The following DOCK1 variants were observed in gnomAD, a reference collection of about 807,000 sequenced individuals.
DOCK1 encodes the protein dedicator of cytokinesis protein 1.
DOCK1 carries 138 observed loss-of-function variants against 262.7 expected under a neutral mutation model. That is an observed-to-expected ratio of 0.53 (90% confidence interval 0.46 to 0.61). The LOEUF is 0.61. Among genes scored for constraint, DOCK1 ranks in the 20% least tolerant of loss-of-function variants. The probability of loss-of-function intolerance (pLI) is 0.00; values close to 1 mark genes in which losing one functional copy is unlikely to be tolerated. For missense variants in DOCK1, 1,908 were observed against 2,370.7 expected, an observed-to-expected ratio of 0.80 and a Z score of 4.05; for synonymous variants, 866 against 867.4, an observed-to-expected ratio of 1.00 and a Z score of 0.03.
At chr10:127,003,355 C>T (rs2040746018) in intron 10 of DOCK1, among the ~76,000 whole-genome samples, 1 of 152,184 alleles carries the variant, frequency 6.6e-6, no homozygotes, top group South Asian at 2.1e-4. Context: ...CTGCATGAAC[C>T]TGCGTGAACC....
chr10:127,324,950 T>C (rs2062693669), intron 29 of DOCK1, among the ~76,000 whole-genome samples: 1 of 152,128 alleles, frequency 6.6e-6, no homozygotes, highest in Admixed American at 6.5e-5. Flanking sequence ...CACAGCTTCT[T>C]GCCACTAGAA....
intron 23 of DOCK1, among the ~76,000 whole-genome samples, chr10:127,099,029 G>C (rs543425742): frequency 1.2e-4 from 18 of 152,272 alleles, no homozygotes; most frequent in African/African-American, 4.1e-4. Flanking sequence ...GAACCCTCCT[G>C]CCAAGGAAAG....
Position 127,198,040 on chromosome 10 carries a change from C to G in DOCK1, c.2848-49968C>G, listed in dbSNP as rs150267031. ...TCCAAACTCTGCCCACCTCACTCTT[C>G]TTGTTGTTCTTCTTAACTCAGATCC... On this transcript the variant is annotated intron_variant, in intron 27 of 51. Coordinates refer to ENST00000623213, the MANE Select transcript of DOCK1 (RefSeq NM_001290223.2). Among the ~76,000 whole-genome samples the G allele has an allele frequency of 2.0e-3, 300 of 152,298 alleles. 1 individual carries two copies. The highest frequency in any genetic ancestry group is 4.5e-3 in the African/African-American group (185 of 41,568).
intron 1 of DOCK1, among the ~76,000 whole-genome samples, chr10:126,914,590 G>A (rs1304621227): frequency 2.0e-5 from 3 of 152,172 alleles, no homozygotes; most frequent in South Asian, 4.2e-4. Flanking sequence ...TTGGGAGAGG[G>A]TCTTGTTATG....
At chr10:127,101,238 T>C (rs1018176294) in intron 23 of DOCK1, among the ~76,000 whole-genome samples, 2 of 143,632 alleles carry the variant, frequency 1.4e-5, no homozygotes, top group Admixed American at 1.4e-4. Flanking sequence ...ATGGGAGGGG[T>C]GGGGGTCAGG....
At chr10:126,925,067 C>T (rs78999837) in intron 1 of DOCK1, among the ~76,000 whole-genome samples, 166 of 152,294 alleles carry the variant, frequency 1.1e-3, no homozygotes, top group African/African-American at 3.8e-3. Flanking sequence ...CTGGGCTTCC[C>T]GCCTCTATCA....
chr10:126,927,915 G>A (rs1211263358), intron 1 of DOCK1, among the ~76,000 whole-genome samples: 2 of 152,084 alleles, frequency 1.3e-5, no homozygotes, highest in East Asian at 1.9e-4. Flanking sequence ...CATGCTCGGC[G>A]GAGAGGTGAG....
At chr10:127,033,404 C>T (rs947109678) in intron 18 of DOCK1, among the ~76,000 whole-genome samples, 3 of 152,162 alleles carry the variant, frequency 2.0e-5, no homozygotes, top group Admixed American at 6.5e-5. Flanking sequence ...TGCTGTCCAG[C>T]CAGGGGTACT....
chr10:127,441,825 T>C (rs11018087), intron 49 of DOCK1, among the ~76,000 whole-genome samples: 46,721 of 151,782 alleles, frequency 0.31, 7,743 homozygotes, highest in East Asian at 0.44. Context: ...ATTTGCATCA[T>C]CAACAATTTC....
chr10:127,020,893 C>T (rs1054979414), intron 13 of DOCK1, among the ~76,000 whole-genome samples: 1 of 152,182 alleles, frequency 6.6e-6, no homozygotes, highest in African/African-American at 2.4e-5. Context: ...CAGAGCCTGT[C>T]CCATCACCCA....
intron 23 of DOCK1, among the ~76,000 whole-genome samples, chr10:127,073,995 C>T (rs1763302346): frequency 6.6e-6 from 1 of 152,108 alleles, no homozygotes; most frequent in Admixed American, 6.5e-5. Context: ...GGAGAGCAGA[C>T]TTTAAATATG....
In DOCK1 at chr10:126,951,903, G is replaced by T. The variant is rs1288919021; in HGVS notation, c.47-18799G>T. Reference sequence around the variant, plus strand: ...TCACTATTGTCACCCAGGCTGGAGTGCAGTGGTGCGATCTCGGCTCACTGC... The same window carrying T: ...TCACTATTGTCACCCAGGCTGGAGTTCAGTGGTGCGATCTCGGCTCACTGC... On this transcript the variant is annotated intron_variant, in intron 1 of 51. Transcript: ENST00000623213. 8.7e-5 allele frequency among the ~76,000 whole-genome samples: 13 copies of T among 148,802 alleles called. 1 individual carries two copies. Among genetic ancestry groups the T allele is most frequent in the Non-Finnish European group, 1.6e-4 (11 of 67,598 alleles).
At chr10:126,922,315 G>A (rs978169341) in intron 1 of DOCK1, among the ~76,000 whole-genome samples, 1 of 151,578 alleles carries the variant, frequency 6.6e-6, no homozygotes, top group South Asian at 2.1e-4. Context: ...AGAGGCATCC[G>A]GAAACTTCCA....
chr10:126,917,661 C>G (rs995700011), intron 1 of DOCK1, among the ~76,000 whole-genome samples: 1 of 152,140 alleles, frequency 6.6e-6, no homozygotes, highest in Non-Finnish European at 1.5e-5. Flanking sequence ...AGAGACTTAT[C>G]CCTTTGTTCC....
chr10:127,108,326 G>A (rs1051765818), intron 24 of DOCK1, among the ~76,000 whole-genome samples: 3 of 152,018 alleles, frequency 2.0e-5, no homozygotes, highest in Admixed American at 1.3e-4. Context: ...GGTGACTCAC[G>A]CCTGTAATCC....
chr10:127,185,159 A>T (rs2056111445), intron 27 of DOCK1, among the ~76,000 whole-genome samples: 1 of 152,162 alleles, frequency 6.6e-6, no homozygotes, highest in Admixed American at 6.5e-5. Flanking sequence ...TAACACAAAT[A>T]TAAGTGTTCT....
intron 32 of DOCK1, among the ~76,000 whole-genome samples, chr10:127,355,388 C>G (rs7893503): frequency 0.22 from 33,536 of 152,096 alleles, 3,838 homozygotes; most frequent in Middle Eastern, 0.38. Context: ...CATCTTTACA[C>G]TACCCTCTAG....
At chr10:127,083,594 G>GTCA (rs2047033033) in intron 23 of DOCK1, among the ~76,000 whole-genome samples, 3 of 152,160 alleles carry the variant, frequency 2.0e-5, no homozygotes, top group Admixed American at 2.0e-4. Flanking sequence ...CTTTATAATG[G>GTCA]ATGTGATTAT....
At chr10:126,923,897 C>G (rs960655279) in intron 1 of DOCK1, among the ~76,000 whole-genome samples, 1 of 152,200 alleles carries the variant, frequency 6.6e-6, no homozygotes, top group Admixed American at 6.5e-5. Flanking sequence ...AAGGTGCCTT[C>G]TATGAGCCAG....
Sources: gnomAD v4.1 joint callset for allele counts (sites outside exome capture counted in the v4.1 genomes callset) on GRCh38, gnomAD v4.1.1 for gene constraint, MANE v1.5 for transcripts, NCBI Gene and HGNC (gene_info 2026-07-23, HGNC 2026-07-21) for gene names.